CCSER1: variants seen among roughly 807,000 people sequenced by gnomAD.
The protein encoded by CCSER1 is coiled-coil serine rich protein 1, also known as serine-rich coiled-coil domain-containing protein 1.
CCSER1 carries 41 observed loss-of-function variants against 82.0 expected under a neutral mutation model. That is an observed-to-expected ratio of 0.50 (90% CI 0.39 to 0.65). The LOEUF (loss-of-function observed/expected upper bound fraction) is 0.65, where lower values mean the gene tolerates loss of function less well. Among genes scored for constraint, CCSER1 ranks in the 30% least tolerant of loss-of-function variants. The pLI, the probability that CCSER1 is intolerant of heterozygous loss-of-function variation, is 0.00. For missense variants in CCSER1, 1,119 were observed against 1,064.2 expected, an observed-to-expected ratio of 1.05 and a Z score of -0.72; for synonymous variants, 414 against 383.9, an observed-to-expected ratio of 1.08 and a Z score of -0.92.
intron 10 of CCSER1, among the ~76,000 whole-genome samples, chr4:91,271,675 G>GAT (rs942562385): frequency 2.0e-5 from 3 of 151,544 alleles, no homozygotes; most frequent in Non-Finnish European, 4.4e-5. Flanking sequence ...ATATATATAT[G>GAT]ATATATATAC....
chr4:90,673,861 T>C (rs1357534538), intron 6 of CCSER1, among the ~76,000 whole-genome samples: 1 of 152,040 alleles, frequency 6.6e-6, no homozygotes, highest in Non-Finnish European at 1.5e-5. Flanking sequence ...TTGTCAGGCA[T>C]AGTTCATTAT....
chr4:91,319,715 G>A (rs1318603699), intron 10 of CCSER1: 1 of 455,554 alleles, frequency 2.2e-6, no homozygotes. Context: ...TGTCCCTCAG[G>A]TTTCTATAGC....
chr4:91,143,936 CT>C (rs978090185), intron 10 of CCSER1, among the ~76,000 whole-genome samples: 2 of 151,850 alleles, frequency 1.3e-5, no homozygotes, highest in Non-Finnish European at 2.9e-5. Context: ...CTATAGTTTC[CT>C]TTTTTTATTG....
intron 5 of CCSER1, among the ~76,000 whole-genome samples, chr4:90,578,457 C>G (rs1781015819): frequency 6.6e-6 from 1 of 152,078 alleles, no homozygotes; most frequent in Admixed American, 6.6e-5. Flanking sequence ...TCATGGCACT[C>G]TGACCCTACC....
chr4:91,219,941 A>G (rs1737604940), intron 10 of CCSER1, among the ~76,000 whole-genome samples: 2 of 152,172 alleles, frequency 1.3e-5, no homozygotes, highest in Admixed American at 1.3e-4. Flanking sequence ...TCATTTGACC[A>G]GTGTTTTTAG....
chr4:91,467,662 A>T (rs1043414248), intron 10 of CCSER1, among the ~76,000 whole-genome samples: 22 of 152,310 alleles, frequency 1.4e-4, no homozygotes, highest in African/African-American at 4.8e-4. Flanking sequence ...CAAGAAAAAA[A>T]CAAACAACCC....
chr4:91,289,653 C>T (rs1276082544), intron 10 of CCSER1, among the ~76,000 whole-genome samples: 3 of 151,518 alleles, frequency 2.0e-5, no homozygotes, highest in Non-Finnish European at 4.4e-5. Context: ...TAGAAATTGC[C>T]CAACTGAAAC....
At chr4:91,273,020 G>T (rs753640550) in intron 10 of CCSER1, among the ~76,000 whole-genome samples, 1 of 151,910 alleles carries the variant, frequency 6.6e-6, no homozygotes, top group African/African-American at 2.4e-5. Context: ...GTTTGAAATC[G>T]GGTAATGTGA....
intron 10 of CCSER1, among the ~76,000 whole-genome samples, chr4:91,274,502 G>T (rs144770915): frequency 6.6e-6 from 1 of 151,924 alleles, no homozygotes; most frequent in East Asian, 1.9e-4. Flanking sequence ...TTTTTCCCAG[G>T]CCCTAGTATT....
At chr4:91,123,371 T>G (rs1016649667) in intron 10 of CCSER1, among the ~76,000 whole-genome samples, 6 of 151,680 alleles carry the variant, frequency 4.0e-5, no homozygotes, top group African/African-American at 9.7e-5. Flanking sequence ...TTTTTTCCAT[T>G]CTAAGTGCTT....
intron 10 of CCSER1, among the ~76,000 whole-genome samples, chr4:91,591,012 G>C (rs1453307827): frequency 6.6e-6 from 1 of 152,030 alleles, no homozygotes; most frequent in Non-Finnish European, 1.5e-5. Context: ...GTTCTCAACT[G>C]GGGGCAATTT....
At chr4:90,332,016 T>C (rs2153496630) in intron 3 of CCSER1, among the ~76,000 whole-genome samples, 1 of 152,182 alleles carries the variant, frequency 6.6e-6, no homozygotes, top group East Asian at 1.9e-4. Context: ...AACTTATTTC[T>C]TAAAAATAAA....
chr4:90,570,555 G>A (rs1341001277), intron 5 of CCSER1, among the ~76,000 whole-genome samples: 2 of 152,124 alleles, frequency 1.3e-5, no homozygotes, highest in African/African-American at 4.8e-5. Flanking sequence ...GGAGTTGCAT[G>A]CCTCCTGGTG....
chr4:90,393,146 T>A (rs539813600), intron 3 of CCSER1, among the ~76,000 whole-genome samples: 1 of 152,346 alleles, frequency 6.6e-6, no homozygotes, highest in East Asian at 1.9e-4. Flanking sequence ...CAATTTATAA[T>A]TTATCTTCCT....
At position 91,472,169 on chromosome 4, in the gene CCSER1, A is replaced by G. The variant is rs143726449; in HGVS notation, c.2218-126403A>G. ...TTTCCGATTCACTTGTACTTTATCA[A>G]TTTGTGACTTTGCCAACTGGTGAGC... On this transcript the variant is annotated intron_variant, in intron 10 of 10. Transcript: ENST00000509176. Among the ~76,000 whole-genome samples the G allele has an allele frequency of 1.2e-4, 19 of 152,046 alleles. No homozygotes were observed. In the East Asian group the frequency reaches 3.5e-3, roughly 28 times the overall value.
At chr4:91,480,664 G>A (rs1170222833) in intron 10 of CCSER1, among the ~76,000 whole-genome samples, 1 of 152,204 alleles carries the variant, frequency 6.6e-6, no homozygotes, top group Non-Finnish European at 1.5e-5. Flanking sequence ...TAACCGAGTA[G>A]CAGAAGACTA....
chr4:91,557,751 G>A (rs533819360), intron 10 of CCSER1, among the ~76,000 whole-genome samples: 4 of 151,480 alleles, frequency 2.6e-5, no homozygotes, highest in Admixed American at 6.6e-5. Flanking sequence ...TGTTCAAGGA[G>A]TTGCAAGTAA....
intron 10 of CCSER1, among the ~76,000 whole-genome samples, chr4:91,175,420 C>A (rs577984252): frequency 5.9e-5 from 9 of 152,300 alleles, no homozygotes; most frequent in Non-Finnish European, 1.0e-4. Flanking sequence ...AATGGTTGAA[C>A]TAGTTTACAG....
At chr4:90,263,974 C>T (rs566953994) in intron 1 of CCSER1, among the ~76,000 whole-genome samples, 3 of 152,244 alleles carry the variant, frequency 2.0e-5, no homozygotes, top group Admixed American at 2.0e-4. Context: ...GCACAGACCC[C>T]CCTAACTTTG....
Sources: gnomAD v4.1 joint callset for allele counts (sites outside exome capture counted in the v4.1 genomes callset) on GRCh38, gnomAD v4.1.1 for gene constraint, MANE v1.5 for transcripts, NCBI Gene and HGNC (gene_info 2026-07-23, HGNC 2026-07-21) for gene names.